The following B3GALT5 variants were observed in gnomAD, a reference collection of about 807,000 sequenced individuals.
The protein encoded by B3GALT5 is beta-1,3-galactosyltransferase 5, also known as UDP-Gal:betaGlcNAc beta 1,3-galactosyltransferase, polypeptide 5.
For synonymous variants in B3GALT5, 156 were observed against 158.6 expected, an observed-to-expected ratio of 0.98 and a Z score of 0.12; for missense variants, 328 against 396.6, an observed-to-expected ratio of 0.83 and a Z score of 1.47.
intron 1 of B3GALT5, among the ~76,000 whole-genome samples, chr21:39,620,258 T>C (rs571576353): frequency 6.6e-6 from 1 of 152,364 alleles, no homozygotes; most frequent in South Asian, 2.1e-4. Context: ...CAATCTGTAA[T>C]AGTTCCTCAG....
chr21:39,672,342 C>A lies in B3GALT5; in HGVS notation c.*10850C>A, dbSNP rs1196433357. 1.3e-5 allele frequency: 2 copies of A among 152,210 alleles called. No individual in the cohort carries two copies. Among genetic ancestry groups the A allele is most frequent in the African/African-American group, 2.4e-5 (1 of 41,448 alleles). The allele number at this position is 152,210 out of a possible 1,614,324, so 9.4% of individuals were successfully genotyped here. On this transcript the variant is annotated 3_prime_UTR_variant, in exon 4 of 4. Coordinates refer to ENST00000684187, the MANE Select transcript of B3GALT5 (RefSeq NM_001356336.2). The stretch of plus-strand genomic sequence containing the variant: ...TGTTTTACCTGGTCAAATAAGACAT[C>A]ACTAAAATCTACCATGACTGGAAAT...
chr21:39,640,503 A>G lies in B3GALT5; in HGVS notation c.-391-5889A>G, dbSNP rs150632543. 9.2e-5 allele frequency among the ~76,000 whole-genome samples: 14 copies of G among 152,276 alleles called. No homozygotes were observed. The East Asian group carries it at 2.7e-3, about 29-fold the overall frequency. On this transcript the variant is annotated intron_variant, in intron 1 of 3. Coordinates refer to ENST00000684187, the MANE Select transcript of B3GALT5 (RefSeq NM_001356336.2). ...CAGGATCTATGTGTCTCAACATAGG[A>G]AAACACCTTAAGAGTACCTGTAAGG...
intron 1 of B3GALT5, among the ~76,000 whole-genome samples, chr21:39,639,339 T>TTCCTTCC (rs1569212111): frequency 6.5e-5 from 7 of 108,320 alleles, no homozygotes; most frequent in South Asian, 3.3e-4. Flanking sequence ...TCTTTCTTTC[T>TTCCTTCC]TTCTTTCTTT....
At chr21:39,639,441 TTTCTTTCTTTC>T (rs1384488034) in intron 1 of B3GALT5, among the ~76,000 whole-genome samples, 2 of 121,302 alleles carry the variant, frequency 1.6e-5, no homozygotes, top group East Asian at 4.2e-4. Flanking sequence ...TCTTTCTTTC[TTTCTTTCTTTC>T]TTTTTTTCTT....
At chr21:39,648,275 G>C (rs556506763) in intron 2 of B3GALT5, among the ~76,000 whole-genome samples, 1 of 152,210 alleles carries the variant, frequency 6.6e-6, no homozygotes, top group African/African-American at 2.4e-5. Context: ...GCTGCTTAGA[G>C]ATTTGGAGCT....
chr21:39,618,045 C>T (rs1161104405), intron 1 of B3GALT5, among the ~76,000 whole-genome samples: 1 of 151,976 alleles, frequency 6.6e-6, no homozygotes, highest in Admixed American at 6.5e-5. Flanking sequence ...GTCCTAGATA[C>T]TTGGGAGGCT....
intron 1 of B3GALT5, among the ~76,000 whole-genome samples, chr21:39,618,218 G>C (rs73360121): frequency 6.6e-6 from 1 of 152,084 alleles, no homozygotes; most frequent in South Asian, 2.1e-4. Flanking sequence ...GTTAATGGAC[G>C]TTTAGATGAT....
At chr21:39,632,566 A>G (rs1814115785) in intron 1 of B3GALT5, among the ~76,000 whole-genome samples, 2 of 152,366 alleles carry the variant, frequency 1.3e-5, no homozygotes, top group African/African-American at 2.4e-5. Flanking sequence ...TTAACAAAGT[A>G]GAAATTTACA....
chr21:39,620,988 G>A (rs1308934084), intron 1 of B3GALT5, among the ~76,000 whole-genome samples: 3 of 152,156 alleles, frequency 2.0e-5, no homozygotes, highest in Non-Finnish European at 4.4e-5. Flanking sequence ...TGACAGGTTA[G>A]GTACAATGGC....
chr21:39,624,180 A>C (rs1281033311), intron 1 of B3GALT5, among the ~76,000 whole-genome samples: 1 of 152,132 alleles, frequency 6.6e-6, no homozygotes, highest in Non-Finnish European at 1.5e-5. Context: ...CTATTAATGA[A>C]ACTTTGATGA....
intron 2 of B3GALT5, among the ~76,000 whole-genome samples, chr21:39,656,319 T>C (rs904428164): frequency 6.6e-6 from 1 of 152,064 alleles, no homozygotes; most frequent in African/African-American, 2.4e-5. Flanking sequence ...CTGGAGCGAG[T>C]GTCCTGAAAG....
At chr21:39,628,729 C>T (rs889789819) in intron 1 of B3GALT5, among the ~76,000 whole-genome samples, 1 of 152,134 alleles carries the variant, frequency 6.6e-6, no homozygotes, top group Non-Finnish European at 1.5e-5. Flanking sequence ...GGGACCATGT[C>T]GAGTGATTAT....
At chr21:39,626,646 G>A (rs1334200925) in intron 1 of B3GALT5, among the ~76,000 whole-genome samples, 5 of 151,910 alleles carry the variant, frequency 3.3e-5, no homozygotes, top group African/African-American at 7.3e-5. Context: ...TGGTAGGTGC[G>A]AAGTGCTGTC....
At chr21:39,639,410 T>C (rs865915078) in intron 1 of B3GALT5, among the ~76,000 whole-genome samples, 3 of 94,598 alleles carry the variant, frequency 3.2e-5, no homozygotes, top group Admixed American at 1.2e-4. Context: ...TTTTCTTTCT[T>C]TCTTTCTTTC....
intron 1 of B3GALT5, among the ~76,000 whole-genome samples, chr21:39,613,341 G>A (rs2079090595): frequency 6.6e-6 from 1 of 152,222 alleles, no homozygotes; most frequent in Non-Finnish European, 1.5e-5. Context: ...TTGTGTTCCT[G>A]GGTGGGCACG....
intron 2 of B3GALT5, among the ~76,000 whole-genome samples, chr21:39,648,929 C>T (rs1365411537): frequency 6.6e-6 from 1 of 152,228 alleles, no homozygotes. Flanking sequence ...CTCGCCAGAA[C>T]CCGGCTGTGC....
rs1019258098 is a variant in B3GALT5 at position 39,672,118 on chromosome 21, A to G, written c.*10626A>G. On this transcript the variant is annotated 3_prime_UTR_variant, in exon 4 of 4. Transcript: ENST00000684187. ...TACATCATCTATTCTACCTCCATTC[A>G]CTGGTCAAAGAAGCGCAGAGTTAAG... The G allele has an allele frequency of 2.0e-5, 3 of 152,198 alleles. No individual in the cohort carries two copies. The highest frequency in any genetic ancestry group is 7.2e-5 in the African/African-American group (3 of 41,450). 9.4% of individuals were successfully genotyped at this position (152,198 alleles called of 1,614,324 possible).
intron 1 of B3GALT5, among the ~76,000 whole-genome samples, chr21:39,634,892 C>T (rs762043184): frequency 4.6e-5 from 7 of 152,062 alleles, no homozygotes; most frequent in Non-Finnish European, 8.8e-5. Flanking sequence ...CCAGAGACAA[C>T]GCGTAATGGC....
At chr21:39,623,022 C>T (rs978089714) in intron 1 of B3GALT5, among the ~76,000 whole-genome samples, 7 of 152,138 alleles carry the variant, frequency 4.6e-5, no homozygotes, top group Admixed American at 1.3e-4. Context: ...TATTTTGTAA[C>T]TATTCCTTAG....
Sources: gnomAD v4.1 joint callset for allele counts (sites outside exome capture counted in the v4.1 genomes callset) on GRCh38, gnomAD v4.1.1 for gene constraint, MANE v1.5 for transcripts, NCBI Gene and HGNC (gene_info 2026-07-23, HGNC 2026-07-21) for gene names.